Variants in ZNG1B observed in about 807,000 individuals in gnomAD.
ZNG1B encodes the protein Zn regulated GTPase metalloprotein activator 1B.
chr2:113,476,554 A>G, the ZNG1B span, among the ~76,000 whole-genome samples: 21 of 147,582 alleles, frequency 1.4e-4, no homozygotes, highest in East Asian at 2.6e-3. Context: ...CCTTCGGAGG[A>G]GGAGAGGCGC....
At chr2:113,479,451 CT>C in the ZNG1B span, among the ~76,000 whole-genome samples, 1 of 150,886 alleles carries the variant, frequency 6.6e-6, no homozygotes, top group Non-Finnish European at 1.5e-5. Flanking sequence ...TAAAAATGGT[CT>C]TTTTTTCCCA....
chr2:113,478,961 T>TA, the ZNG1B span, among the ~76,000 whole-genome samples: 1 of 151,914 alleles, frequency 6.6e-6, no homozygotes, highest in Non-Finnish European at 1.5e-5. Context: ...AGTTGAGAGA[T>TA]ACGTTTTTCA....
the ZNG1B span, chr2:113,454,633 T>C: frequency 3.3e-4 from 313 of 945,898 alleles, no homozygotes; most frequent in African/African-American, 1.1e-3. Flanking sequence ...TTGAGTAGTA[T>C]TTGTGAACTG....
the ZNG1B span, among the ~76,000 whole-genome samples, chr2:113,439,338 A>G: frequency 3.3e-5 from 5 of 150,730 alleles, no homozygotes; most frequent in Non-Finnish European, 5.9e-5. Flanking sequence ...CCCTTTGTCC[A>G]TCTTTAGCTA....
the ZNG1B span, among the ~76,000 whole-genome samples, chr2:113,459,132 A>G: frequency 6.6e-6 from 1 of 152,140 alleles, no homozygotes; most frequent in Non-Finnish European, 1.5e-5. Flanking sequence ...TTGGCATGGA[A>G]TGATTTTTGA....
At chr2:113,449,087 T>C in the ZNG1B span, among the ~76,000 whole-genome samples, 3 of 151,774 alleles carry the variant, frequency 2.0e-5, no homozygotes, top group Admixed American at 2.0e-4. Flanking sequence ...CAACCTCTGC[T>C]ACCTTCCAAC....
At chr2:113,471,945 G>A in the ZNG1B span, among the ~76,000 whole-genome samples, 5 of 151,892 alleles carry the variant, frequency 3.3e-5, no homozygotes, top group Non-Finnish European at 7.4e-5. Context: ...ATAAACATAT[G>A]TGTGCATATG....
the ZNG1B span, among the ~76,000 whole-genome samples, chr2:113,442,046 G>GT: frequency 9.9e-5 from 15 of 151,938 alleles, no homozygotes; most frequent in South Asian, 2.1e-4. Context: ...GCCAAAAAAT[G>GT]TTTTTTTTAG....
the ZNG1B span, among the ~76,000 whole-genome samples, chr2:113,476,803 A>T: frequency 6.6e-6 from 1 of 152,030 alleles, no homozygotes; most frequent in Non-Finnish European, 1.5e-5. Context: ...TGCCTCTGCT[A>T]GGGAGTGCCT....
chr2:113,477,558 T>C, the ZNG1B span, among the ~76,000 whole-genome samples: 1 of 152,232 alleles, frequency 6.6e-6, no homozygotes, highest in Non-Finnish European at 1.5e-5. Context: ...CTCTTCACTT[T>C]AATAATGGAT....
chr2:113,494,642 G>A, the ZNG1B span: 1 of 883,478 alleles, frequency 1.1e-6, no homozygotes, highest in East Asian at 1.6e-4. Context: ...CTCATATTCA[G>A]ATAAATATAA....
the ZNG1B span, among the ~76,000 whole-genome samples, chr2:113,452,237 A>G: frequency 8.3e-4 from 126 of 152,190 alleles, no homozygotes; most frequent in Non-Finnish European, 1.7e-3. Flanking sequence ...GGCCCTTGCT[A>G]TATCTTGCAT....
the ZNG1B span, among the ~76,000 whole-genome samples, chr2:113,442,214 C>T: frequency 1.3e-5 from 2 of 151,946 alleles, no homozygotes; most frequent in Admixed American, 1.3e-4. Context: ...TCTTTATCCT[C>T]ATGTATTTTA....
At chr2:113,437,989 A>G in the ZNG1B span, 1 of 1,611,980 alleles carries the variant, frequency 6.2e-7, no homozygotes, top group Non-Finnish European at 8.5e-7. Flanking sequence ...CCTCGGCGCC[A>G]AGATCCCAGT....
At chr2:113,449,384 G>A in the ZNG1B span, among the ~76,000 whole-genome samples, 1 of 136,872 alleles carries the variant, frequency 7.3e-6, no homozygotes, top group Non-Finnish European at 1.5e-5. Flanking sequence ...TCCTCACCAA[G>A]CATAATCATT....
chr2:113,470,835 T>C, the ZNG1B span: 1 of 756,942 alleles, frequency 1.3e-6, no homozygotes, highest in Non-Finnish European at 2.0e-6. Flanking sequence ...ATTGAAAGTT[T>C]TAAAAAAACC....
the ZNG1B span, among the ~76,000 whole-genome samples, chr2:113,472,355 G>C: frequency 6.6e-6 from 1 of 151,856 alleles, no homozygotes; most frequent in Admixed American, 6.6e-5. Flanking sequence ...TTGTAAATTT[G>C]TTTGAGTTCA....
At chr2:113,443,007 T>C in the ZNG1B span, among the ~76,000 whole-genome samples, 1 of 151,652 alleles carries the variant, frequency 6.6e-6, no homozygotes, top group African/African-American at 2.4e-5. Flanking sequence ...CTCGCTGTGT[T>C]GCCCAGGCTG....
the ZNG1B span, among the ~76,000 whole-genome samples, chr2:113,455,958 T>C: frequency 6.6e-6 from 1 of 150,864 alleles, no homozygotes; most frequent in Non-Finnish European, 1.5e-5. Flanking sequence ...CCTCAAGTGA[T>C]CCACCCGCCT....
Sources: allele counts gnomAD v4.1 joint callset (sites outside exome capture counted in the v4.1 genomes callset), GRCh38; gene constraint gnomAD v4.1.1; transcripts MANE v1.5; gene names NCBI Gene and HGNC (gene_info 2026-07-23, HGNC 2026-07-21).